HYDIN: variants seen among roughly 807,000 people sequenced by gnomAD.
HYDIN encodes the protein axonemal central pair apparatus protein HYDIN.
HYDIN carries 132 observed loss-of-function variants against 403.9 expected under a neutral mutation model. That is an observed-to-expected ratio of 0.33 (90% CI 0.28 to 0.38). The LOEUF (loss-of-function observed/expected upper bound fraction) is 0.38. Among genes scored for constraint, HYDIN ranks in the 10% least tolerant of loss-of-function variants. HYDIN has a pLI of 1.00. For missense variants in HYDIN, 2,827 were observed against 5,009.5 expected (o/e 0.56, Z 13.15); for synonymous variants, 1,202 against 1,891.7 (o/e 0.64, Z 9.46).
At chr16:71,158,129 G>A (rs1243848512) in intron 6 of HYDIN, among the ~76,000 whole-genome samples, 1 of 152,210 alleles carries the variant, frequency 6.6e-6, no homozygotes, top group Non-Finnish European at 1.5e-5. Context: ...ACTGAGCAGC[G>A]CAGGGGAATG....
intron 19 of HYDIN, among the ~76,000 whole-genome samples, chr16:71,030,434 T>G (rs1334747944): frequency 6.7e-6 from 1 of 150,188 alleles, no homozygotes; most frequent in Non-Finnish European, 1.5e-5. Flanking sequence ...TTCTTTTCTT[T>G]CTTTTTTTTT....
intron 35 of HYDIN, among the ~76,000 whole-genome samples, chr16:70,971,649 A>G (rs2078737275): frequency 6.6e-6 from 1 of 152,066 alleles, no homozygotes; most frequent in Admixed American, 6.5e-5. Flanking sequence ...TTGAAGGGGA[A>G]AAAGCAAATG....
At chr16:71,192,720 T>C (rs1287270779) in intron 1 of HYDIN, among the ~76,000 whole-genome samples, 1 of 152,208 alleles carries the variant, frequency 6.6e-6, no homozygotes, top group African/African-American at 2.4e-5. Context: ...ATCATGGTTA[T>C]TGATCTATCT....
chr16:71,005,374 G>A (rs757758125), intron 23 of HYDIN, among the ~76,000 whole-genome samples: 115 of 152,072 alleles, frequency 7.6e-4, no homozygotes, highest in Non-Finnish European at 1.5e-3. Context: ...CGGAATTAGT[G>A]CCCTTATAAG....
At position 71,190,268 on chromosome 16, in the gene HYDIN, C is replaced by G. The variant is rs190429501; in HGVS notation, c.-23-3350G>C. ...TCATACCATAAAACAAGAACGTTAT[C>G]AAGAGCTACCAGGGTTGTCAGGGAT... is the stretch of plus-strand genomic sequence containing the variant. On this transcript the variant is annotated intron_variant, in intron 1 of 85. Transcript: ENST00000393567. Among the ~76,000 whole-genome samples, 207 of 151,668 alleles carry G rather than the reference C, an allele frequency of 1.4e-3. 1 individual carries two copies. The highest frequency in any genetic ancestry group is 4.9e-3 in the African/African-American group (201 of 41,306).
intron 36 of HYDIN, among the ~76,000 whole-genome samples, chr16:70,968,957 A>G (rs2078662126): frequency 6.6e-6 from 1 of 151,892 alleles, no homozygotes; most frequent in Non-Finnish European, 1.5e-5. Context: ...AAGATATAAA[A>G]AAGAACCAAA....
intron 1 of HYDIN, among the ~76,000 whole-genome samples, chr16:71,204,428 C>T (rs1199244668): frequency 6.6e-6 from 1 of 152,214 alleles, no homozygotes; most frequent in African/African-American, 2.4e-5. Context: ...AGGGATGTGG[C>T]AATTTCCAGA....
At chr16:70,901,505 A>T (rs1367800594) in intron 52 of HYDIN, among the ~76,000 whole-genome samples, 1 of 151,610 alleles carries the variant, frequency 6.6e-6, no homozygotes, top group Non-Finnish European at 1.5e-5. Context: ...TCCAAGTGAG[A>T]ACATGGGGTA....
rs369490320 is a variant in HYDIN, at chr16:70,921,102, C to T, written c.7274G>A (p.Gly2425Asp). ...AGGAAGCCCATGCATGCTGACATCG[C>T]CCATGTTCCTTTTCTTCTTATTTAG... ...EELNKKKRNM[G>D]DVSMHGLPLV... is the part of the protein sequence containing the mutation. Residue 2425 changes from glycine (G) to aspartate (D), a missense_variant, in exon 46 of 86, where the codon GGC (glycine) becomes GAC (aspartate). By Grantham distance (94) the Gly-to-Asp change is moderately conservative (BLOSUM62 -1). Coordinates refer to ENST00000393567, the MANE Select transcript of HYDIN (RefSeq NM_001270974.2). 205 of 1,559,614 alleles carry T rather than the reference C, an allele frequency of 1.3e-4. No individual in the cohort carries two copies. In the Middle Eastern group the frequency reaches 1.9e-3, roughly 14 times the overall value.
chr16:71,157,693 T>C (rs2144592069), intron 6 of HYDIN, among the ~76,000 whole-genome samples: 1 of 151,412 alleles, frequency 6.6e-6, no homozygotes, highest in East Asian at 1.9e-4. Flanking sequence ...AAGCCATTAT[T>C]TCATGAAGAG....
chr16:71,069,314 A>T lies in HYDIN; in HGVS notation c.1927T>A (p.Ser643Thr). The T allele has an allele frequency of 6.2e-7, 1 of 1,613,624 alleles. No individual in the cohort carries two copies. The highest frequency in any genetic ancestry group is 1.1e-5 in the South Asian group (1 of 91,042). The part of the protein sequence containing the change: ...SSMKPKEFTI[S>T]PDCGTIRPQG... Reference sequence around the variant, plus strand: ...GGGCGAATGGTGCCACAGTCAGGAGAGATGGTGAATTCTTTTGGTTTCATT... The same window carrying T: ...GGGCGAATGGTGCCACAGTCAGGAGTGATGGTGAATTCTTTTGGTTTCATT... The change falls in exon 14 of 86, where the codon TCT (serine) becomes ACT (threonine). Residue 643 changes from serine to threonine, a missense_variant. Ser to Thr is a moderately conservative substitution (Grantham distance 58). Transcript: ENST00000393567.
intron 21 of HYDIN, 48 bp from the exon 22 acceptor site, chr16:71,020,365 G>C (rs1285147155): frequency 3.2e-6 from 5 of 1,580,184 alleles, no homozygotes; most frequent in Non-Finnish European, 4.3e-6. Context: ...GGTAAATACA[G>C]TAAGCTTTTA....
Position 70,985,238 on chromosome 16 carries a change from G to A in HYDIN, c.4279C>T (p.Gln1427Ter), listed in dbSNP as rs905444414. The change falls in exon 28 of 86, where the codon CAG becomes TAG. Residue 1427 changes from glutamine to a stop codon, truncating the protein, a stop_gained. Coordinates refer to ENST00000393567, the MANE Select transcript of HYDIN (RefSeq NM_001270974.2). LOFTEE classifies it high-confidence loss of function. ...GFEFKVLTDH[Q>*]SSPDNLLPGV... ...GGGAGAAGGTTGTCTGGAGAAGACT[G>A]GTGGTCAGTCAGAACCTTGAACTCA... 6.3e-7 allele frequency: 1 copy of A among 1,583,648 alleles called. No homozygotes were observed. The highest frequency in any genetic ancestry group is 1.1e-5 in the South Asian group (1 of 88,996).
At chr16:71,146,126 G>C (rs2085358729) in intron 7 of HYDIN, among the ~76,000 whole-genome samples, 1 of 151,936 alleles carries the variant, frequency 6.6e-6, no homozygotes, top group East Asian at 1.9e-4. Flanking sequence ...ATGAGATAAA[G>C]ATGAAATAAA....
intron 14 of HYDIN, among the ~76,000 whole-genome samples, chr16:71,068,176 G>C (rs570148784): frequency 7.8e-4 from 116 of 149,488 alleles, no homozygotes; most frequent in South Asian, 1.5e-3. Context: ...CAGAAGACTT[G>C]TTATGATTTT....
intron 53 of HYDIN, among the ~76,000 whole-genome samples, chr16:70,896,603 G>A (rs1278901121): frequency 2.0e-5 from 3 of 148,756 alleles, no homozygotes; most frequent in Admixed American, 2.0e-4. Flanking sequence ...CAATCCTCCC[G>A]TCTCAGCCTC....
chr16:70,997,269 C>G (rs1287613503), intron 23 of HYDIN, among the ~76,000 whole-genome samples: 1 of 140,588 alleles, frequency 7.1e-6, no homozygotes, highest in Non-Finnish European at 1.5e-5. Context: ...TGGCTCAGTT[C>G]CTAACAGGCC....
At position 70,883,969 on chromosome 16, in the gene HYDIN, G is replaced by A. The variant is rs777490730; in HGVS notation, c.9930C>T (p.Val3310=). ...AIDISGRDPA[V]HPAGILYTLL... ...AAGTGTAAAGAATGCCGGCAGGGTG[G>A]ACTGCAGGGTCTCGGCCGGAGATAT... is the stretch of plus-strand genomic sequence containing the variant. Residue 3310 remains valine (V), a synonymous_variant, in exon 59 of 86, where the codon GTC becomes GTT. Coordinates refer to ENST00000393567, the MANE Select transcript of HYDIN (RefSeq NM_001270974.2). The A allele has an allele frequency of 6.2e-7, 1 of 1,614,104 alleles. No homozygotes were observed. Among genetic ancestry groups the A allele is most frequent in the African/African-American group, 1.3e-5 (1 of 74,954 alleles).
At chr16:70,861,104 G>A (rs1411787650) in intron 69 of HYDIN, among the ~76,000 whole-genome samples, 2 of 151,648 alleles carry the variant, frequency 1.3e-5, no homozygotes, top group East Asian at 1.9e-4. Flanking sequence ...CTCCTTCTGT[G>A]TACCTAAGTA....
Sources: gnomAD v4.1 joint callset for allele counts (sites outside exome capture counted in the v4.1 genomes callset) on GRCh38, gnomAD v4.1.1 for gene constraint, MANE v1.5 for transcripts, NCBI Gene and HGNC (gene_info 2026-07-23, HGNC 2026-07-21) for gene names.